Variants in GRIK1 observed in about 807,000 individuals in gnomAD.
The protein encoded by GRIK1 is glutamate ionotropic receptor kainate type subunit 1.
Under a neutral mutation model 105.7 loss-of-function variants are expected in GRIK1, and 69 were observed. The observed-to-expected ratio is 0.65, with a 90% CI of 0.54 to 0.80. The LOEUF is 0.80. GRIK1 is among the 30% of genes least tolerant of loss of function. The pLI, the probability that GRIK1 is intolerant of heterozygous loss-of-function variation, is 0.00. For missense variants in GRIK1, 1,109 were observed against 1,167.3 expected (o/e 0.95, Z 0.73); for synonymous variants, 438 against 431.3 (o/e 1.02, Z -0.19).
At chr21:29,793,769 G>A (rs1374979197) in intron 1 of GRIK1, among the ~76,000 whole-genome samples, 1 of 152,124 alleles carries the variant, frequency 6.6e-6, no homozygotes, top group Non-Finnish European at 1.5e-5. Flanking sequence ...ATTAAATAAA[G>A]GCTCAGAAAA....
chr21:29,932,945 G>A (rs879290855), intron 1 of GRIK1, among the ~76,000 whole-genome samples: 2 of 149,894 alleles, frequency 1.3e-5, no homozygotes, highest in Non-Finnish European at 3.0e-5. Context: ...AAAAAGAAAA[G>A]TAAAATGGCT....
At position 29,879,126 on chromosome 21, in the gene GRIK1, G is replaced by C. The variant is rs183835012; in HGVS notation, c.118+60257C>G. On this transcript the variant is annotated intron_variant, in intron 1 of 17. Transcript: ENST00000327783. The stretch of plus-strand genomic sequence containing the variant: ...AGGAGGGTCTAAGCTTGTCAATCCT[G>C]TTAATGGAATTAGGCAGCATAGAAG... Among the ~76,000 whole-genome samples the C allele has an allele frequency of 6.4e-4, 98 of 152,228 alleles. 2 individuals carry two copies. In the East Asian group the frequency reaches 0.017, roughly 27 times the overall value.
At chr21:29,588,029 C>T (rs1221979949) in intron 11 of GRIK1, among the ~76,000 whole-genome samples, 1 of 122,742 alleles carries the variant, frequency 8.1e-6, no homozygotes, top group Admixed American at 1.1e-4. Context: ...GGCTAGAGTG[C>T]AGTGGTGCAA....
chr21:29,643,618 C>A (rs917588803), intron 6 of GRIK1, among the ~76,000 whole-genome samples: 8 of 152,214 alleles, frequency 5.3e-5, no homozygotes, highest in African/African-American at 1.9e-4. Context: ...ACAAGTCGGT[C>A]ATTCCTTTTA....
chr21:29,925,025 C>G (rs980429027), intron 1 of GRIK1, among the ~76,000 whole-genome samples: 3 of 152,184 alleles, frequency 2.0e-5, no homozygotes, highest in African/African-American at 7.2e-5. Flanking sequence ...AAGTCTAGAT[C>G]AAACCAAACT....
At chr21:29,628,690 C>T (rs1465585895) in intron 7 of GRIK1, among the ~76,000 whole-genome samples, 1 of 152,188 alleles carries the variant, frequency 6.6e-6, no homozygotes, top group Non-Finnish European at 1.5e-5. Flanking sequence ...AAACCTGAGA[C>T]ATTCATATAG....
At chr21:29,648,681 C>T (rs752769680) in intron 6 of GRIK1, among the ~76,000 whole-genome samples, 5 of 151,906 alleles carry the variant, frequency 3.3e-5, no homozygotes, top group South Asian at 2.1e-4. Flanking sequence ...ACTGAACAAA[C>T]GAATCAAAAT....
intron 1 of GRIK1, among the ~76,000 whole-genome samples, chr21:29,901,535 G>GA (rs201425513): frequency 0.22 from 33,586 of 151,930 alleles, 4,228 homozygotes; most frequent in African/African-American, 0.34. Context: ...AAATAAACCA[G>GA]AAAATCTAGA....
intron 3 of GRIK1, among the ~76,000 whole-genome samples, chr21:29,673,710 A>G (rs972913724): frequency 6.6e-6 from 1 of 152,134 alleles, no homozygotes; most frequent in Non-Finnish European, 1.5e-5. Flanking sequence ...TGCTCATTAC[A>G]TTTTCTTGCT....
intron 8 of GRIK1, 102 bp from the exon 9 acceptor site, chr21:29,596,672 G>T: frequency 3.6e-6 from 3 of 829,090 alleles, no homozygotes; most frequent in South Asian, 2.7e-5. Flanking sequence ...GAGTGTTACA[G>T]TTCCCACCCA....
chr21:29,690,109 T>C (rs2063558947), intron 2 of GRIK1, 124 bp from the exon 3 acceptor site: 1 of 750,844 alleles, frequency 1.3e-6, no homozygotes, highest in Non-Finnish European at 2.2e-6. Flanking sequence ...TATTGAAAAA[T>C]CTTTTACAAT....
At chr21:29,723,856 G>A (rs940233162) in intron 1 of GRIK1, among the ~76,000 whole-genome samples, 7 of 152,064 alleles carry the variant, frequency 4.6e-5, no homozygotes, top group Admixed American at 2.6e-4. Flanking sequence ...GCAGCTCTAA[G>A]CAAAGAAACT....
intron 1 of GRIK1, among the ~76,000 whole-genome samples, chr21:29,736,852 A>G (rs913079663): frequency 4.7e-5 from 7 of 150,412 alleles, no homozygotes; most frequent in African/African-American, 1.7e-4. Flanking sequence ...TGATTTTTGT[A>G]TTTTTTAGTA....
chr21:29,672,371 T>C (rs2063175639), intron 4 of GRIK1, among the ~76,000 whole-genome samples: 1 of 152,100 alleles, frequency 6.6e-6, no homozygotes, highest in African/African-American at 2.4e-5. Context: ...TATTATTCTG[T>C]TGTTATTATT....
intron 7 of GRIK1, among the ~76,000 whole-genome samples, chr21:29,616,604 G>A (rs1319579349): frequency 1.3e-5 from 2 of 152,336 alleles, no homozygotes; most frequent in Non-Finnish European, 2.9e-5. Flanking sequence ...CTCAGGCTGA[G>A]GATTCTGGGG....
chr21:29,723,260 G>A (rs780661061), intron 1 of GRIK1, among the ~76,000 whole-genome samples: 1 of 152,138 alleles, frequency 6.6e-6, no homozygotes, highest in Non-Finnish European at 1.5e-5. Flanking sequence ...TGAGAATACT[G>A]TTTTCCAGCA....
At chr21:29,805,475 T>C (rs1432904350) in intron 1 of GRIK1, among the ~76,000 whole-genome samples, 2 of 152,198 alleles carry the variant, frequency 1.3e-5, no homozygotes, top group Admixed American at 1.3e-4. Flanking sequence ...TAAGCTAATT[T>C]TCAAATCAAA....
chr21:29,848,879 T>C (rs1569157231), intron 1 of GRIK1, among the ~76,000 whole-genome samples: 2 of 151,022 alleles, frequency 1.3e-5, no homozygotes, highest in Non-Finnish European at 2.9e-5. Context: ...AAATGTCGTC[T>C]CTTATGGAAG....
At chr21:29,573,540 G>A (rs1391706460) in intron 14 of GRIK1, among the ~76,000 whole-genome samples, 5 of 152,036 alleles carry the variant, frequency 3.3e-5, no homozygotes, top group African/African-American at 4.8e-5. Flanking sequence ...AGGAGTTTGA[G>A]ACAGAAAAGA....
Sources: allele counts gnomAD v4.1 joint callset (sites outside exome capture counted in the v4.1 genomes callset), GRCh38; gene constraint gnomAD v4.1.1; transcripts MANE v1.5; gene names NCBI Gene and HGNC (gene_info 2026-07-23, HGNC 2026-07-21).